MEGF9: variants seen among roughly 807,000 people sequenced by gnomAD.
MEGF9 encodes multiple EGF like domains 9, also known as multiple epidermal growth factor-like domains protein 9.
A neutral mutation model predicts 46.8 loss-of-function variants in MEGF9; 6 were observed. The observed-to-expected ratio is 0.13, with a 90% CI of 0.07 to 0.25. MEGF9 has a LOEUF of 0.25. Ranked by LOEUF, MEGF9 falls within the 10% of genes least tolerant of loss-of-function variation. The pLI, the probability that MEGF9 is intolerant of heterozygous loss-of-function variation, is 1.00. For missense variants in MEGF9, 683 were observed against 792.4 expected, an observed-to-expected ratio of 0.86 and a Z score of 1.66; for synonymous variants, 302 against 330.7, an observed-to-expected ratio of 0.91 and a Z score of 0.94.
chr9:120,624,741 T>C (rs2043516567), intron 2 of MEGF9, among the ~76,000 whole-genome samples: 1 of 151,788 alleles, frequency 6.6e-6, no homozygotes, highest in Non-Finnish European at 1.5e-5. Flanking sequence ...AGAGTGGTGG[T>C]GTGTGCCTGT....
intron 2 of MEGF9, among the ~76,000 whole-genome samples, chr9:120,625,849 A>G (rs1981023): frequency 5.4e-4 from 18 of 33,238 alleles, no homozygotes; most frequent in African/African-American, 6.0e-4. Context: ...AAAAAAAAAA[A>G]AAAAAAAGAA....
At chr9:120,688,381 G>A (rs985502863) in intron 1 of MEGF9, among the ~76,000 whole-genome samples, 2 of 152,174 alleles carry the variant, frequency 1.3e-5, no homozygotes, top group Non-Finnish European at 2.9e-5. Context: ...CAGCAGGGCT[G>A]TATCAGGTGC....
At chr9:120,672,316 G>A (rs74959736) in intron 1 of MEGF9, among the ~76,000 whole-genome samples, 19,838 of 152,136 alleles carry the variant, frequency 0.13, 1,733 homozygotes, top group Non-Finnish European at 0.2. Flanking sequence ...TGGGCCAGGG[G>A]TAGTAGCTCG....
chr9:120,659,568 T>C lies in MEGF9; in HGVS notation c.609A>G (p.Val203=), dbSNP rs534550685. The change falls in exon 2 of 6, where the codon GTA becomes GTG. Residue 203 remains valine (V), a synonymous_variant. Transcript: ENST00000373930. ...GGCTTCCAACCACAGAGCAGTTACA[T>C]ACATACTCTGCAAAGGAAAGAAGGA... ...EAPSSPPPEY[V]CNCSVVGSLN... is the part of the protein sequence containing the mutation. The C allele has an allele frequency of 1.1e-5, 18 of 1,609,706 alleles. No individual in the cohort carries two copies. In the Admixed American group the frequency reaches 1.7e-4, roughly 15 times the overall value.
intron 1 of MEGF9, chr9:120,690,127 T>C: frequency 8.1e-6 from 3 of 372,128 alleles, no homozygotes; most frequent in South Asian, 2.1e-5. Context: ...TCCAGATATA[T>C]AACTAAACTA....
intron 3 of MEGF9, among the ~76,000 whole-genome samples, chr9:120,617,597 G>C (rs1463794842): frequency 6.6e-6 from 1 of 152,230 alleles, no homozygotes; most frequent in Non-Finnish European, 1.5e-5. Flanking sequence ...AAAGGGATGA[G>C]AAGCCATTGG....
chr9:120,678,102 G>A (rs1405098031), intron 1 of MEGF9, among the ~76,000 whole-genome samples: 5 of 152,138 alleles, frequency 3.3e-5, no homozygotes, highest in Non-Finnish European at 7.4e-5. Context: ...GCAAATCCAT[G>A]TTGTTGCAAA....
chr9:120,661,046 A>T (rs1057159745), intron 1 of MEGF9, among the ~76,000 whole-genome samples: 6 of 152,228 alleles, frequency 3.9e-5, no homozygotes, highest in Non-Finnish European at 7.3e-5. Context: ...AAGCTTCAAA[A>T]TTCTTTATGT....
intron 2 of MEGF9, among the ~76,000 whole-genome samples, chr9:120,624,400 G>A (rs1038085343): frequency 6.6e-6 from 1 of 151,928 alleles, no homozygotes; most frequent in African/African-American, 2.4e-5. Context: ...GCTAATTTTT[G>A]TATTTTTTGT....
chr9:120,609,821 T>C (rs907731302), intron 4 of MEGF9, among the ~76,000 whole-genome samples: 1 of 152,198 alleles, frequency 6.6e-6, no homozygotes. Flanking sequence ...AGGAATACTT[T>C]ACAGTGGTCA....
chr9:120,693,552 C>A (rs2043860902), intron 1 of MEGF9, among the ~76,000 whole-genome samples: 1 of 152,118 alleles, frequency 6.6e-6, no homozygotes, highest in Non-Finnish European at 1.5e-5. Flanking sequence ...ACAAGAAAGA[C>A]CATATGCTAA....
At chr9:120,629,761 C>A (rs1448164054) in intron 2 of MEGF9, among the ~76,000 whole-genome samples, 1 of 151,864 alleles carries the variant, frequency 6.6e-6, no homozygotes, top group Non-Finnish European at 1.5e-5. Flanking sequence ...TGGTGAAACC[C>A]GTCTCTACTA....
chr9:120,652,848 C>A (rs984780405), intron 2 of MEGF9, among the ~76,000 whole-genome samples: 1 of 152,062 alleles, frequency 6.6e-6, no homozygotes, highest in Non-Finnish European at 1.5e-5. Context: ...GATCTTTATT[C>A]TTCTATCTAA....
chr9:120,638,604 T>C (rs1312694775), intron 2 of MEGF9, among the ~76,000 whole-genome samples: 1 of 152,214 alleles, frequency 6.6e-6, no homozygotes, highest in East Asian at 1.9e-4. Flanking sequence ...TAACAATTTA[T>C]ACTCCCATCA....
intron 1 of MEGF9, among the ~76,000 whole-genome samples, chr9:120,694,008 T>C (rs1164940933): frequency 6.6e-6 from 1 of 152,166 alleles, no homozygotes; most frequent in Admixed American, 6.6e-5. Flanking sequence ...AATGCATACT[T>C]TCTACTCCAA....
At chr9:120,651,813 C>T (rs907435657) in intron 2 of MEGF9, among the ~76,000 whole-genome samples, 2 of 151,312 alleles carry the variant, frequency 1.3e-5, no homozygotes, top group Non-Finnish European at 2.9e-5. Context: ...CCAGCATGCC[C>T]GGCTAATTTT....
At chr9:120,625,478 G>A (rs1054343028) in intron 2 of MEGF9, among the ~76,000 whole-genome samples, 2 of 152,026 alleles carry the variant, frequency 1.3e-5, no homozygotes, top group Non-Finnish European at 2.9e-5. Context: ...TGCCATGATC[G>A]GGCCTGTGAA....
At chr9:120,689,771 C>T (rs1355366386) in intron 1 of MEGF9, among the ~76,000 whole-genome samples, 2 of 152,100 alleles carry the variant, frequency 1.3e-5, no homozygotes, top group Non-Finnish European at 2.9e-5. Flanking sequence ...ATCAAAGACC[C>T]TAATAAATTG....
chr9:120,694,572 G>A (rs143490678), intron 1 of MEGF9, among the ~76,000 whole-genome samples: 2 of 152,282 alleles, frequency 1.3e-5, no homozygotes, highest in Non-Finnish European at 2.9e-5. Flanking sequence ...ACTGCCCTAG[G>A]TTATTCTACT....
Sources: allele counts gnomAD v4.1 joint callset (sites outside exome capture counted in the v4.1 genomes callset), GRCh38; gene constraint gnomAD v4.1.1; transcripts MANE v1.5; gene names NCBI Gene and HGNC (gene_info 2026-07-23, HGNC 2026-07-21).